The following EPB41L3 variants were observed in gnomAD, a reference collection of about 807,000 sequenced individuals.
The protein encoded by EPB41L3 is band 4.1-like protein 3.
EPB41L3 carries 57 observed loss-of-function variants against 127.1 expected under a neutral mutation model. The ratio of observed to expected loss-of-function variants is 0.45; its 90% CI spans 0.36 to 0.56. The LOEUF (loss-of-function observed/expected upper bound fraction) is 0.56. EPB41L3 is among the 20% of genes least tolerant of loss of function. EPB41L3 has a pLI of 0.00. For missense variants in EPB41L3, 1,273 were observed against 1,372.2 expected (o/e 0.93, Z 1.14); for synonymous variants, 572 against 549.5 (o/e 1.04, Z -0.57).
chr18:5,524,048 T>C (rs1042155791), intron 1 of EPB41L3, among the ~76,000 whole-genome samples: 1 of 152,166 alleles, frequency 6.6e-6, no homozygotes, highest in Admixed American at 6.5e-5. Context: ...ATAATTCATT[T>C]AATTCTCACA....
chr18:5,546,352 G>A (rs571538879), upstream of EPB41L3, among the ~76,000 whole-genome samples: 3 of 152,198 alleles, frequency 2.0e-5, no homozygotes, highest in African/African-American at 7.2e-5. Context: ...CCAAGATGGT[G>A]AAACCCCGTC....
At chr18:5,517,566 G>A (rs139393576) in intron 1 of EPB41L3, among the ~76,000 whole-genome samples, 55 of 152,120 alleles carry the variant, frequency 3.6e-4, no homozygotes, top group African/African-American at 1.3e-3. Context: ...TTTCCGAGTA[G>A]CTGGGACTAC....
chr18:5,460,113 C>T (rs1376314590), intron 3 of EPB41L3, among the ~76,000 whole-genome samples: 1 of 152,112 alleles, frequency 6.6e-6, no homozygotes, highest in Non-Finnish European at 1.5e-5. Flanking sequence ...TCCATGTATG[C>T]CCAGTGTTTA....
At chr18:5,622,012 A>T (rs17384756) in intron 1 of EPB41L3, among the ~76,000 whole-genome samples, 29,146 of 152,080 alleles carry the variant, frequency 0.19, 3,191 homozygotes, top group Non-Finnish European at 0.25. Flanking sequence ...AACATTTTGC[A>T]GTAGGATTAT....
intron 3 of EPB41L3, among the ~76,000 whole-genome samples, chr18:5,583,011 C>T (rs530642824): frequency 1.3e-5 from 2 of 152,280 alleles, no homozygotes. Flanking sequence ...CAGCCCTCAT[C>T]ACTGTGGGGG....
intron 3 of EPB41L3, among the ~76,000 whole-genome samples, chr18:5,585,416 G>A (rs2094433608): frequency 1.3e-5 from 2 of 152,086 alleles, no homozygotes; most frequent in South Asian, 2.1e-4. Context: ...CAATTCTCCT[G>A]CCCCAGACTC....
chr18:5,629,139 C>G (rs1234527673), upstream of EPB41L3: 1 of 152,308 alleles, frequency 6.6e-6, no homozygotes, highest in Admixed American at 6.5e-5. Context: ...AGGGGCGCCT[C>G]CCGGATTTTG....
In EPB41L3 at chr18:5,489,144, C is replaced by G. The variant is rs1568401438; in HGVS notation, c.40G>C (p.Asp14His). 1 of 1,595,486 alleles carries G rather than the reference C, an allele frequency of 6.3e-7. No homozygotes were observed. Residue 14 changes from aspartate to histidine, a missense_variant, in exon 2 of 23, where the codon GAC becomes CAC. Physicochemically the swap from Asp to His is moderately conservative, Grantham distance 81. Around this residue, in one of 3 missense-constraint regions of EPB41L3, gnomAD observed 182 missense variants for 149.2 expected, o/e 1.22. Coordinates refer to ENST00000341928, the MANE Select transcript of EPB41L3 (RefSeq NM_012307.5). ...ESGSDSESKP[D>H]QEAEPQEAAG... is the part of the protein sequence containing the mutation. ...GCCTCCTGGGGCTCGGCCTCCTGGTCCGGCTTGGATTCCGAGTCTGATCCA... is the reference window on the plus strand; with the variant it reads ...GCCTCCTGGGGCTCGGCCTCCTGGTGCGGCTTGGATTCCGAGTCTGATCCA...
chr18:5,550,703 C>T (rs1332461844), intron 3 of EPB41L3, among the ~76,000 whole-genome samples: 1 of 152,156 alleles, frequency 6.6e-6, no homozygotes, highest in Admixed American at 6.6e-5. Flanking sequence ...GCAAAATCAG[C>T]TATAAATTCC....
At chr18:5,406,735 G>C in intron 16 of EPB41L3, 42 bp downstream of exon 16, 1 of 1,559,364 alleles carries the variant, frequency 6.4e-7, no homozygotes, top group East Asian at 2.3e-5. Context: ...AAGGAAGGCG[G>C]GTAAACAGAA....
At chr18:5,492,435 G>T (rs1410805689) in intron 1 of EPB41L3, among the ~76,000 whole-genome samples, 1 of 148,102 alleles carries the variant, frequency 6.8e-6, no homozygotes, top group African/African-American at 2.6e-5. Context: ...TTTTAAACTA[G>T]ATTTTCAAGA....
intron 3 of EPB41L3, among the ~76,000 whole-genome samples, chr18:5,565,987 G>T (rs2094193833): frequency 6.6e-6 from 1 of 152,032 alleles, no homozygotes; most frequent in Non-Finnish European, 1.5e-5. Context: ...AGCTATCTAT[G>T]ACAAACCCAC....
chr18:5,434,590 T>A (rs1311658474), intron 6 of EPB41L3, among the ~76,000 whole-genome samples: 1 of 152,184 alleles, frequency 6.6e-6, no homozygotes, highest in Non-Finnish European at 1.5e-5. Flanking sequence ...CATGAGATTA[T>A]AATGGAGCTA....
At chr18:5,540,995 G>A (rs1437331078) in intron 1 of EPB41L3, among the ~76,000 whole-genome samples, 1 of 149,756 alleles carries the variant, frequency 6.7e-6, no homozygotes, top group African/African-American at 2.5e-5. Context: ...TGAGGCAGGA[G>A]AATGGCGTGA....
intron 3 of EPB41L3, among the ~76,000 whole-genome samples, chr18:5,473,331 C>T (rs2086521618): frequency 1.3e-5 from 2 of 151,872 alleles, no homozygotes; most frequent in Admixed American, 1.3e-4. Flanking sequence ...TTGAGTAACA[C>T]CTACCACTCT....
intron 3 of EPB41L3, among the ~76,000 whole-genome samples, chr18:5,446,485 G>A (rs191657816): frequency 7.2e-5 from 11 of 152,242 alleles, no homozygotes; most frequent in African/African-American, 2.4e-4. Context: ...TTGTTTGTGC[G>A]CTACTAACAT....
intron 3 of EPB41L3, among the ~76,000 whole-genome samples, chr18:5,587,375 A>G (rs1197598890): frequency 1.3e-5 from 2 of 152,234 alleles, no homozygotes; most frequent in Admixed American, 6.5e-5. Context: ...CCATGTTCAC[A>G]TAACTCTTAT....
intron 3 of EPB41L3, among the ~76,000 whole-genome samples, chr18:5,578,468 A>T (rs2094358894): frequency 6.6e-6 from 1 of 152,198 alleles, no homozygotes; most frequent in Non-Finnish European, 1.5e-5. Context: ...CTCTGATTTG[A>T]AAGCTCTGCT....
chr18:5,506,901 G>A (rs1568451083), intron 1 of EPB41L3, among the ~76,000 whole-genome samples: 1 of 152,108 alleles, frequency 6.6e-6, no homozygotes, highest in Non-Finnish European at 1.5e-5. Context: ...TAATTTCTGG[G>A]CAAAATGACA....
Sources: gnomAD v4.1 joint callset for allele counts (sites outside exome capture counted in the v4.1 genomes callset) on GRCh38, gnomAD v4.1.1 for gene constraint, gnomAD v4.1.1 regional missense constraint, MANE v1.5 for transcripts, NCBI Gene and HGNC (gene_info 2026-07-23, HGNC 2026-07-21) for gene names.